The following PRCP variants were observed in gnomAD, a reference collection of about 807,000 sequenced individuals.
PRCP encodes prolylcarboxypeptidase.
In PRCP, 46 loss-of-function variants were observed where a neutral mutation model predicts 54.2. The observed-to-expected ratio is 0.85, with a 90% CI of 0.67 to 1.09. The LOEUF is 1.09. Ranked by LOEUF, PRCP falls within the 50% of genes least tolerant of loss-of-function variation. PRCP has a pLI of 0.00. For synonymous variants in PRCP, 240 were observed against 212.2 expected, an observed-to-expected ratio of 1.13 and a Z score of -1.14; for missense variants, 613 against 596.8, an observed-to-expected ratio of 1.03 and a Z score of -0.28.
At chr11:82,887,872 A>T (rs879304030) in intron 1 of PRCP, among the ~76,000 whole-genome samples, 1 of 152,192 alleles carries the variant, frequency 6.6e-6, no homozygotes, top group Non-Finnish European at 1.5e-5. Flanking sequence ...CCACACAGAG[A>T]CCAAGAAGAA....
At chr11:82,836,917 A>G in intron 8 of PRCP, 2 of 378,300 alleles carry the variant, frequency 5.3e-6, no homozygotes, top group Admixed American at 3.2e-5. Context: ...CTTGTAATCA[A>G]AGGAAGATTC....
At chr11:82,825,524 C>A (rs75127310) in intron 8 of PRCP, 1 of 180,342 alleles carries the variant, frequency 5.5e-6, no homozygotes, top group African/African-American at 2.4e-5. Context: ...AATCTTTGCT[C>A]TTTGGGAGGC....
In PRCP at chr11:82,824,761, G is replaced by A. The variant is rs1048215840; in HGVS notation, c.*145C>T. On this transcript the variant is annotated 3_prime_UTR_variant, in exon 9 of 9. Transcript: ENST00000313010. ...CATTCATGGGACACTTGCTCTTACC[G>A]TCATCACCCTCTATTCTATCTCAAC... The A allele has an allele frequency of 3.5e-5, 28 of 801,112 alleles. No homozygotes were observed. The highest frequency in any genetic ancestry group is 1.8e-4 in the South Asian group (10 of 56,134). 49.6% of individuals were successfully genotyped at this position (801,112 alleles called of 1,614,324 possible).
intron 1 of PRCP, among the ~76,000 whole-genome samples, chr11:82,870,050 C>G (rs1172711303): frequency 6.6e-6 from 1 of 152,200 alleles, no homozygotes; most frequent in East Asian, 1.9e-4. Flanking sequence ...TTTACCAAAG[C>G]ATATTACCTA....
At chr11:82,851,529 T>C (rs1165931646) in intron 3 of PRCP, among the ~76,000 whole-genome samples, 1 of 150,276 alleles carries the variant, frequency 6.7e-6, no homozygotes, top group African/African-American at 2.4e-5. Flanking sequence ...CAGTCAAGAC[T>C]TCAGATGCCT....
chr11:82,833,190 G>C (rs1858430911), intron 8 of PRCP, among the ~76,000 whole-genome samples: 1 of 152,216 alleles, frequency 6.6e-6, no homozygotes, highest in Admixed American at 6.5e-5. Context: ...TTAAGATGAA[G>C]TCCCTGCCAG....
chr11:82,855,795 A>C (rs533539322), intron 2 of PRCP, among the ~76,000 whole-genome samples: 1 of 152,326 alleles, frequency 6.6e-6, no homozygotes, highest in East Asian at 1.9e-4. Context: ...GAAAACCACA[A>C]TGAGATACCA....
intron 1 of PRCP, among the ~76,000 whole-genome samples, chr11:82,867,746 G>A (rs1237081532): frequency 1.3e-5 from 2 of 152,022 alleles, no homozygotes; most frequent in Admixed American, 6.6e-5. Flanking sequence ...TCTAAGAGAC[G>A]GGGTCTCCCC....
At position 82,839,686 on chromosome 11, in the gene PRCP, C is replaced by T; in HGVS notation, c.922-261G>A. The T allele has an allele frequency of 1.0e-5, 4 of 399,454 alleles. No individual in the cohort carries two copies. In the South Asian group the frequency reaches 1.1e-4, roughly 11 times the overall value. The allele number at this position is 399,454 out of a possible 1,614,324, so 24.7% of individuals were successfully genotyped here. The stretch of plus-strand genomic sequence containing the variant: ...TCTCCATCTACCATCTTAGCTTCCT[C>T]TTTGCTGCCTTTGCTCCAGCCTAGG... On this transcript the variant is annotated intron_variant, in intron 6 of 8. Transcript: ENST00000313010.
Position 82,890,110 on chromosome 11 carries a change from G to A in PRCP, c.168+10125C>T, listed in dbSNP as rs149938441. Among the ~76,000 whole-genome samples the A allele has an allele frequency of 4.9e-3, 743 of 152,302 alleles. 5 individuals carry two copies. The highest frequency in any genetic ancestry group is 0.017 in the Middle Eastern group (5 of 294). On this transcript the variant is annotated intron_variant, in intron 1 of 8. Transcript: ENST00000313010. ...CACAGCCATACCCAAGAAACTGAAT[G>A]TAGCTAGAGAAACATACAGCCACAT...
chr11:82,894,720 A>C (rs533874144), intron 1 of PRCP, among the ~76,000 whole-genome samples: 11 of 152,234 alleles, frequency 7.2e-5, no homozygotes, highest in Non-Finnish European at 1.5e-4. Flanking sequence ...GAAAAACCTA[A>C]AGTTAATTTT....
intron 8 of PRCP, chr11:82,830,627 C>CAAAAAAAAAAAAAAAAAAAA (rs35851740): frequency 5.4e-5 from 1 of 18,644 alleles, no homozygotes; most frequent in Admixed American, 6.9e-4. Context: ...GACTCCATCT[C>CAAAAAAAAAAAAAAAAAAAA]AAAAAAAAAA....
At chr11:82,859,228 G>A (rs1236722775) in intron 2 of PRCP, among the ~76,000 whole-genome samples, 2 of 152,056 alleles carry the variant, frequency 1.3e-5, no homozygotes, top group African/African-American at 4.8e-5. Context: ...CATTATAAAA[G>A]GTGATAGAAA....
intron 1 of PRCP, among the ~76,000 whole-genome samples, chr11:82,882,521 A>G (rs1859772169): frequency 5.5e-5 from 7 of 127,254 alleles, no homozygotes; most frequent in African/African-American, 9.7e-5. Flanking sequence ...TTTGAGACGG[A>G]GTCTCGCTCT....
At chr11:82,871,875 C>T (rs1042362056) in intron 1 of PRCP, among the ~76,000 whole-genome samples, 1 of 152,198 alleles carries the variant, frequency 6.6e-6, no homozygotes, top group Non-Finnish European at 1.5e-5. Flanking sequence ...CAATATGTAA[C>T]GTGGTCTAAT....
At chr11:82,867,161 G>C (rs1406529674) in intron 1 of PRCP, among the ~76,000 whole-genome samples, 2 of 152,130 alleles carry the variant, frequency 1.3e-5, no homozygotes, top group Non-Finnish European at 2.9e-5. Flanking sequence ...GAAAATATGA[G>C]AAGCTATTAT....
intron 1 of PRCP, among the ~76,000 whole-genome samples, chr11:82,869,075 G>A (rs184711651): frequency 7.1e-4 from 107 of 151,770 alleles, no homozygotes; most frequent in Middle Eastern, 3.4e-3. Context: ...AAAAACCTAG[G>A]CCAGGTGCAC....
intron 1 of PRCP, among the ~76,000 whole-genome samples, chr11:82,896,766 C>G (rs1860129077): frequency 6.6e-6 from 1 of 150,888 alleles, no homozygotes; most frequent in Admixed American, 6.6e-5. Context: ...CAAACTGCAA[C>G]TCTTCCCTGG....
intron 6 of PRCP, among the ~76,000 whole-genome samples, chr11:82,845,457 C>T (rs565278035): frequency 1.3e-5 from 2 of 152,204 alleles, no homozygotes; most frequent in African/African-American, 4.8e-5. Context: ...AAGGATTAAG[C>T]AGATACATTC....
Sources: allele counts gnomAD v4.1 joint callset (sites outside exome capture counted in the v4.1 genomes callset), GRCh38; gene constraint gnomAD v4.1.1; transcripts MANE v1.5; gene names NCBI Gene and HGNC (gene_info 2026-07-23, HGNC 2026-07-21).